Variants in SLC1A2 observed in about 807,000 individuals in gnomAD.
The protein encoded by SLC1A2 is solute carrier family 1 member 2.
In SLC1A2, 15 loss-of-function variants were observed where a neutral mutation model predicts 48.8. The ratio of observed to expected loss-of-function variants is 0.31; its 90% CI spans 0.21 to 0.47. SLC1A2 has a LOEUF of 0.47. Among genes scored for constraint, SLC1A2 ranks in the 20% least tolerant of loss-of-function variants. SLC1A2 has a pLI of 0.99. For missense variants in SLC1A2, 502 were observed against 730.5 expected (o/e 0.69, Z 3.61); for synonymous variants, 279 against 272.6 (o/e 1.02, Z -0.23).
At chr11:35,312,528 G>A (rs917545377) in intron 3 of SLC1A2, 80 bp from the exon 4 acceptor site, 1 of 1,447,498 alleles carries the variant, frequency 6.9e-7, no homozygotes, top group Non-Finnish European at 9.6e-7. Flanking sequence ...TATGACGTTA[G>A]CTTCATATTA....
At chr11:35,339,605 C>G (rs968701976) in intron 1 of SLC1A2, among the ~76,000 whole-genome samples, 2 of 152,138 alleles carry the variant, frequency 1.3e-5, no homozygotes, top group Admixed American at 6.5e-5. Flanking sequence ...CACACCACAT[C>G]AAATGAGAGA....
chr11:35,276,762 C>T (rs889491946), intron 9 of SLC1A2, among the ~76,000 whole-genome samples: 2 of 152,136 alleles, frequency 1.3e-5, no homozygotes, highest in African/African-American at 2.4e-5. Flanking sequence ...TGATTGTACC[C>T]CATTTGTCCT....
At chr11:35,366,934 A>G (rs1853870567) in intron 1 of SLC1A2, among the ~76,000 whole-genome samples, 1 of 152,200 alleles carries the variant, frequency 6.6e-6, no homozygotes, top group Non-Finnish European at 1.5e-5. Flanking sequence ...TGTTGTTGGA[A>G]ATCACTGAAA....
chr11:35,342,954 C>T (rs1852896790), intron 1 of SLC1A2, among the ~76,000 whole-genome samples: 1 of 152,130 alleles, frequency 6.6e-6, no homozygotes. Context: ...TGGTCTTGAC[C>T]ACCTATATTC....
At chr11:35,293,100 A>C (rs1369692031) in intron 6 of SLC1A2, among the ~76,000 whole-genome samples, 1 of 152,212 alleles carries the variant, frequency 6.6e-6, no homozygotes, top group Non-Finnish European at 1.5e-5. Flanking sequence ...ACTTATTCTA[A>C]CAATAATGCT....
intron 3 of SLC1A2, 83 bp downstream of exon 3, chr11:35,314,940 A>G (rs1831588723): frequency 4.0e-6 from 4 of 1,008,434 alleles, no homozygotes; most frequent in South Asian, 2.9e-5. Flanking sequence ...CATTCACTCA[A>G]CCAAATTGAG....
chr11:35,395,944 G>A (rs1854944227), intron 1 of SLC1A2, among the ~76,000 whole-genome samples: 1 of 148,186 alleles, frequency 6.7e-6, no homozygotes. Flanking sequence ...TTTTGTTCTT[G>A]CGATAGATTA....
chr11:35,251,520 C>T lies in SLC1A2; in HGVS notation c.*9374G>A, dbSNP rs1950238093. 1 of 152,438 alleles carries T rather than the reference C, an allele frequency of 6.6e-6. No homozygotes were observed. Among genetic ancestry groups the T allele is most frequent in the Non-Finnish European group, 1.5e-5 (1 of 68,030 alleles). 9.4% of individuals were successfully genotyped at this position (152,438 alleles called of 1,614,324 possible). A position where few individuals can be genotyped will look rare whatever the true frequency, so the allele number is the denominator to read the frequency against. ...CTTTAAACACTATGTGCTATAGATG[C>T]TCTGTGCTACGTGACTTCAGACCAA... On this transcript the variant is annotated 3_prime_UTR_variant, in exon 11 of 11. Coordinates refer to ENST00000278379, the MANE Select transcript of SLC1A2 (RefSeq NM_004171.4).
intron 1 of SLC1A2, among the ~76,000 whole-genome samples, chr11:35,414,274 C>T (rs1394660693): frequency 6.6e-6 from 1 of 152,084 alleles, no homozygotes; most frequent in African/African-American, 2.4e-5. Flanking sequence ...GAAAATGGGT[C>T]TTCTTTTTAA....
At chr11:35,384,244 G>A (rs1030377663) in intron 1 of SLC1A2, among the ~76,000 whole-genome samples, 6 of 152,160 alleles carry the variant, frequency 3.9e-5, no homozygotes, top group Non-Finnish European at 7.3e-5. Context: ...ATTCATCAAC[G>A]AAGTCAGTGA....
chr11:35,379,078 A>G (rs1403544467), intron 1 of SLC1A2, among the ~76,000 whole-genome samples: 1 of 152,154 alleles, frequency 6.6e-6, no homozygotes, highest in African/African-American at 2.4e-5. Context: ...AAAATACAAA[A>G]GTAGCCAGGC....
chr11:35,366,007 C>T (rs899635956), intron 1 of SLC1A2, among the ~76,000 whole-genome samples: 2 of 152,164 alleles, frequency 1.3e-5, no homozygotes, highest in African/African-American at 2.4e-5. Flanking sequence ...CAGTCCTCCA[C>T]GGCAAAGAAT....
intron 1 of SLC1A2, among the ~76,000 whole-genome samples, chr11:35,319,709 C>T (rs1591469288): frequency 6.6e-6 from 1 of 152,224 alleles, no homozygotes; most frequent in East Asian, 1.9e-4. Flanking sequence ...CTGTGCCACA[C>T]ATTTCTTTGT....
intron 1 of SLC1A2, among the ~76,000 whole-genome samples, chr11:35,393,312 ATC>A (rs1300034908): frequency 1.3e-5 from 2 of 152,214 alleles, no homozygotes; most frequent in East Asian, 3.9e-4. Flanking sequence ...CTCTGTAAGG[ATC>A]TGTTTAATGC....
At chr11:35,380,600 A>G in intron 1 of SLC1A2, 2 of 393,064 alleles carry the variant, frequency 5.1e-6, no homozygotes, top group East Asian at 3.6e-5. Flanking sequence ...CTTTCTTCCA[A>G]TCAATTCTGT....
At chr11:35,402,026 T>C (rs908663856) in intron 1 of SLC1A2, among the ~76,000 whole-genome samples, 1 of 152,148 alleles carries the variant, frequency 6.6e-6, no homozygotes, top group Non-Finnish European at 1.5e-5. Flanking sequence ...AATGAATGAA[T>C]GAATGAGTGG....
intron 1 of SLC1A2, among the ~76,000 whole-genome samples, chr11:35,371,362 T>C (rs1286033543): frequency 6.6e-6 from 1 of 152,018 alleles, no homozygotes; most frequent in Non-Finnish European, 1.5e-5. Context: ...CTCTCTCAGG[T>C]TTTACTGATT....
intron 1 of SLC1A2, among the ~76,000 whole-genome samples, chr11:35,381,058 A>AT (rs1268808112): frequency 2.0e-5 from 3 of 152,198 alleles, no homozygotes; most frequent in Non-Finnish European, 2.9e-5. Context: ...CAATTATGAG[A>AT]TTTTTTTAAG....
intron 1 of SLC1A2, among the ~76,000 whole-genome samples, chr11:35,377,936 A>G (rs1486623458): frequency 1.3e-5 from 2 of 152,226 alleles, no homozygotes; most frequent in Non-Finnish European, 1.5e-5. Flanking sequence ...TTCACAACCT[A>G]TTTCACTAAC....
Sources: allele counts gnomAD v4.1 joint callset (sites outside exome capture counted in the v4.1 genomes callset), GRCh38; gene constraint gnomAD v4.1.1; transcripts MANE v1.5; gene names NCBI Gene and HGNC (gene_info 2026-07-23, HGNC 2026-07-21).